The following ARHGAP26 variants were observed in gnomAD, a reference collection of about 807,000 sequenced individuals.
ARHGAP26 encodes the protein rho GTPase-activating protein 26.
A neutral mutation model predicts 104.8 loss-of-function variants in ARHGAP26; 38 were observed. That is an observed-to-expected ratio of 0.36 (90% CI 0.28 to 0.48). The LOEUF is 0.48. Among genes scored for constraint, ARHGAP26 ranks in the 20% least tolerant of loss-of-function variants. The pLI is 0.99. For missense variants in ARHGAP26, 704 were observed against 947.9 expected, an observed-to-expected ratio of 0.74 and a Z score of 3.38; for synonymous variants, 341 against 340.0, an observed-to-expected ratio of 1.00 and a Z score of -0.03.
At chr5:142,814,871 C>T (rs1045181065) in intron 1 of ARHGAP26, among the ~76,000 whole-genome samples, 2 of 152,306 alleles carry the variant, frequency 1.3e-5, no homozygotes, top group East Asian at 1.9e-4. Flanking sequence ...AGACAATGCT[C>T]AATAGTTATT....
At chr5:143,144,131 A>G (rs1798882519) in intron 19 of ARHGAP26, among the ~76,000 whole-genome samples, 1 of 152,120 alleles carries the variant, frequency 6.6e-6, no homozygotes, top group Admixed American at 6.5e-5. Context: ...TTTGAAGCCC[A>G]CTAGCCTATA....
At chr5:142,872,067 T>G (rs1755395094) in intron 1 of ARHGAP26, among the ~76,000 whole-genome samples, 2 of 152,158 alleles carry the variant, frequency 1.3e-5, no homozygotes, top group Non-Finnish European at 2.9e-5. Context: ...GCCCAGCTCT[T>G]CCACTAGCAG....
At chr5:143,010,400 G>C (rs1257107382) in intron 11 of ARHGAP26, among the ~76,000 whole-genome samples, 3 of 152,180 alleles carry the variant, frequency 2.0e-5, no homozygotes, top group Non-Finnish European at 4.4e-5. Context: ...TCCATATGGT[G>C]GTTGCAAGGA....
At chr5:142,867,318 T>C (rs1754480475) in intron 1 of ARHGAP26, among the ~76,000 whole-genome samples, 1 of 151,170 alleles carries the variant, frequency 6.6e-6, no homozygotes, top group African/African-American at 2.4e-5. Flanking sequence ...TGTGTGTGTG[T>C]GTGTGTGTGT....
intron 20 of ARHGAP26, among the ~76,000 whole-genome samples, chr5:143,196,831 G>A (rs138093609): frequency 2.0e-5 from 3 of 152,188 alleles, no homozygotes; most frequent in Non-Finnish European, 2.9e-5. Flanking sequence ...GCCGTTGGGC[G>A]ACTCAAGGTT....
rs376688797 is a variant in ARHGAP26 at position 143,016,617 on chromosome 5, C to T, written c.1144+2501C>T. Among the ~76,000 whole-genome samples the T allele has an allele frequency of 1.5e-4, 22 of 150,964 alleles. No individual in the cohort carries two copies. The East Asian group carries it at 3.9e-3, about 27-fold the overall frequency. On this transcript the variant is annotated intron_variant, in intron 12 of 22. Transcript: ENST00000645722. ...ACTCAGGAAGCTGAGGCAGGAGAAT[C>T]GCTTGAACCTGAGAGGCAGAGGTTG...
chr5:143,145,846 G>A (rs1041622319), intron 19 of ARHGAP26, among the ~76,000 whole-genome samples: 4 of 152,102 alleles, frequency 2.6e-5, no homozygotes, highest in Non-Finnish European at 4.4e-5. Context: ...GGGGTATTGG[G>A]GTGAATGTGT....
intron 17 of ARHGAP26, among the ~76,000 whole-genome samples, chr5:143,093,612 CTT>C (rs1791809866): frequency 6.6e-6 from 1 of 151,788 alleles, no homozygotes; most frequent in African/African-American, 2.4e-5. Flanking sequence ...TTGACTCCAT[CTT>C]TGTCTCCTCC....
At chr5:142,886,107 AT>A (rs1246209077) in intron 5 of ARHGAP26, among the ~76,000 whole-genome samples, 1 of 152,164 alleles carries the variant, frequency 6.6e-6, no homozygotes, top group Non-Finnish European at 1.5e-5. Context: ...CTTCTTGGAG[AT>A]AGGGAGTTTC....
chr5:143,022,486 G>A (rs779475752), intron 12 of ARHGAP26, among the ~76,000 whole-genome samples: 1 of 152,200 alleles, frequency 6.6e-6, no homozygotes, highest in Non-Finnish European at 1.5e-5. Context: ...CGCTATGGTA[G>A]TGTGAAAGCA....
At chr5:143,055,513 C>A (rs1460619141) in intron 15 of ARHGAP26, among the ~76,000 whole-genome samples, 1 of 152,126 alleles carries the variant, frequency 6.6e-6, no homozygotes, top group Non-Finnish European at 1.5e-5. Context: ...TACTCATACC[C>A]CAGCAGGTAA....
In ARHGAP26 at chr5:143,220,735, A is replaced by T. The variant is rs535881916; in HGVS notation, c.2192-1623A>T. ...AAGCTTAGTGATCTGAAATTGGCCA[A>T]CTTTGGAGGCCAACTAATAGATGTT... On this transcript the variant is annotated intron_variant, in intron 22 of 22. Coordinates refer to ENST00000645722, the MANE Select transcript of ARHGAP26 (RefSeq NM_001135608.3). Among the ~76,000 whole-genome samples the T allele has an allele frequency of 6.6e-5, 10 of 152,286 alleles. No homozygotes were observed. The East Asian group carries it at 1.7e-3, about 26-fold the overall frequency.
chr5:143,187,278 G>C (rs574812049), intron 20 of ARHGAP26, among the ~76,000 whole-genome samples: 1 of 152,300 alleles, frequency 6.6e-6, no homozygotes, highest in South Asian at 2.1e-4. Flanking sequence ...GTATTCTTAA[G>C]AATATTGTTT....
At chr5:143,051,711 C>G (rs1370318001) in intron 14 of ARHGAP26, among the ~76,000 whole-genome samples, 1 of 152,156 alleles carries the variant, frequency 6.6e-6, no homozygotes, top group Non-Finnish European at 1.5e-5. Flanking sequence ...TTTAGCCGGG[C>G]TGTAATTTGA....
At chr5:143,082,862 G>A (rs1215873596) in intron 17 of ARHGAP26, among the ~76,000 whole-genome samples, 1 of 152,152 alleles carries the variant, frequency 6.6e-6, no homozygotes, top group African/African-American at 2.4e-5. Context: ...CTGTTTAAAA[G>A]AGTTTTCCTT....
At chr5:142,890,146 AAAAAAATATATATAT>A (rs1165608132) in intron 5 of ARHGAP26, among the ~76,000 whole-genome samples, 50 of 89,216 alleles carry the variant, frequency 5.6e-4, no homozygotes, top group Non-Finnish European at 9.1e-4. Context: ...TAAAAAAAAA[AAAAAAATATATATAT>A]ATATATATAT....
intron 18 of ARHGAP26, among the ~76,000 whole-genome samples, chr5:143,128,643 A>C (rs1796980565): frequency 1.3e-5 from 2 of 152,202 alleles, no homozygotes. Flanking sequence ...CTCTGAGAGC[A>C]CCACGCAGTC....
Position 142,964,190 on chromosome 5 carries a change from CA to C in ARHGAP26, c.1107+32066del, listed in dbSNP as rs111567775. ...TAGCCTTTTACCCTGAAGGATATAA[CA>C]GTTATGTTGAGGAGATGAAGACATA... On this transcript the variant is annotated intron_variant, in intron 11 of 22. Transcript: ENST00000645722. Among the ~76,000 whole-genome samples, 828 of 152,194 alleles carry C rather than the reference CA, an allele frequency of 5.4e-3. 6 individuals are homozygous for C. Among genetic ancestry groups the C allele is most frequent in the African/African-American group, 0.019 (793 of 41,524 alleles).
intron 10 of ARHGAP26, among the ~76,000 whole-genome samples, chr5:142,930,327 T>A (rs37186): frequency 0.087 from 13,245 of 152,134 alleles, 904 homozygotes; most frequent in East Asian, 0.27. Flanking sequence ...TCTGCAGATA[T>A]CCACTGAGTC....
Sources: gnomAD v4.1 joint callset for allele counts (sites outside exome capture counted in the v4.1 genomes callset) on GRCh38, gnomAD v4.1.1 for gene constraint, MANE v1.5 for transcripts, NCBI Gene and HGNC (gene_info 2026-07-23, HGNC 2026-07-21) for gene names.